Variants in SLC30A7 observed in about 807,000 individuals in gnomAD.
SLC30A7 encodes zinc transporter 7.
SLC30A7 carries 35 observed loss-of-function variants against 46.0 expected under a neutral mutation model. The ratio of observed to expected loss-of-function variants is 0.76; its 90% CI spans 0.58 to 1.01. The LOEUF (loss-of-function observed/expected upper bound fraction) is 1.01. Among genes scored for constraint, SLC30A7 ranks in the 50% least tolerant of loss-of-function variants. SLC30A7 has a pLI of 0.00. For synonymous variants in SLC30A7, 147 were observed against 157.8 expected (o/e 0.93, Z 0.51); for missense variants, 464 against 451.1 (o/e 1.03, Z -0.26).
At chr1:100,974,008 C>T (rs1345499126) in intron 10 of SLC30A7, among the ~76,000 whole-genome samples, 3 of 152,154 alleles carry the variant, frequency 2.0e-5, no homozygotes, top group African/African-American at 7.2e-5. Context: ...ATATGGATAA[C>T]TCTTTTGAGG....
intron 8 of SLC30A7, among the ~76,000 whole-genome samples, chr1:100,928,634 A>G (rs999027348): frequency 5.9e-5 from 9 of 151,904 alleles, no homozygotes; most frequent in Non-Finnish European, 1.3e-4. Flanking sequence ...TGTTTGTATT[A>G]TGCATATGAC....
At chr1:100,928,303 G>T (rs1419792418) in intron 8 of SLC30A7, among the ~76,000 whole-genome samples, 1 of 152,170 alleles carries the variant, frequency 6.6e-6, no homozygotes, top group African/African-American at 2.4e-5. Context: ...AGCCCCAACA[G>T]TACTGGAGTG....
intron 8 of SLC30A7, among the ~76,000 whole-genome samples, chr1:100,953,341 C>T (rs1056521084): frequency 1.3e-5 from 2 of 152,142 alleles, no homozygotes; most frequent in African/African-American, 2.4e-5. Context: ...TAGTTGAAAC[C>T]AGAGATTAAT....
At chr1:100,906,777 A>C in intron 2 of SLC30A7, 75 bp from the exon 3 acceptor site, 1 of 965,948 alleles carries the variant, frequency 1.0e-6, no homozygotes, top group Non-Finnish European at 1.7e-6. Flanking sequence ...CAAAGGCTGA[A>C]TCTTAGACTT....
chr1:100,960,113 C>G (rs1380980160), intron 8 of SLC30A7, among the ~76,000 whole-genome samples: 2 of 152,142 alleles, frequency 1.3e-5, no homozygotes, highest in Non-Finnish European at 2.9e-5. Flanking sequence ...GACTGAAACT[C>G]CTGTCCACAT....
At chr1:100,902,295 A>G (rs932869732) in intron 2 of SLC30A7, among the ~76,000 whole-genome samples, 5 of 152,216 alleles carry the variant, frequency 3.3e-5, no homozygotes, top group Non-Finnish European at 2.9e-5. Context: ...ATTTACTTAA[A>G]ATTTAAATAA....
intron 8 of SLC30A7, among the ~76,000 whole-genome samples, chr1:100,931,555 T>G (rs1653666022): frequency 6.6e-6 from 1 of 152,090 alleles, no homozygotes; most frequent in Non-Finnish European, 1.5e-5. Context: ...TTTTTTTTAA[T>G]TTTTACTGTT....
the SLC30A7 span, among the ~76,000 whole-genome samples, chr1:100,991,872 T>A: frequency 4.6e-5 from 7 of 150,644 alleles, no homozygotes; most frequent in Non-Finnish European, 8.8e-5. Flanking sequence ...TTTGGGAGGC[T>A]GAGGTGGGAG....
chr1:100,921,641 A>G, intron 7 of SLC30A7, 65 bp from the exon 8 acceptor site: 1 of 1,326,154 alleles, frequency 7.5e-7, no homozygotes, highest in Non-Finnish European at 1.1e-6. Context: ...GTATAGCTCT[A>G]GGATATATTC....
At chr1:100,959,678 G>A (rs1655430696) in intron 8 of SLC30A7, among the ~76,000 whole-genome samples, 1 of 152,188 alleles carries the variant, frequency 6.6e-6, no homozygotes, top group African/African-American at 2.4e-5. Context: ...AAACGAGGAG[G>A]GTATACAAGA....
At chr1:100,970,600 C>T (rs1377133075) in intron 10 of SLC30A7, among the ~76,000 whole-genome samples, 2 of 150,190 alleles carry the variant, frequency 1.3e-5, no homozygotes, top group Admixed American at 1.3e-4. Flanking sequence ...TCTTTTTCCC[C>T]TTGCACTAAT....
At chr1:100,954,294 C>A (rs539630983) in intron 8 of SLC30A7, among the ~76,000 whole-genome samples, 12 of 152,058 alleles carry the variant, frequency 7.9e-5, no homozygotes, top group Non-Finnish European at 1.6e-4. Context: ...CTATGTATAA[C>A]AAAGAACAAG....
chr1:100,961,898 C>CT lies in SLC30A7; in HGVS notation c.914dup (p.Pro306AlafsTer27), dbSNP rs758416982. The CT allele has an allele frequency of 1.2e-6, 2 of 1,603,988 alleles. No homozygotes were observed. Among genetic ancestry groups the CT allele is most frequent in the Non-Finnish European group, 8.5e-7 (1 of 1,173,076 alleles). Reference sequence around the variant, plus strand: ...AACTCCTCCCCTATTAGAAAATAGTCTGCCTCAGTGCTATCAGAGGGTGAG... The same window carrying CT: ...AACTCCTCCCCTATTAGAAAATAGTCTTGCCTCAGTGCTATCAGAGGGTGAG... On this transcript the variant is annotated frameshift_variant, in exon 9 of 11. Coordinates refer to ENST00000357650, the MANE Select transcript of SLC30A7 (RefSeq NM_133496.5). LOFTEE classifies it high-confidence loss of function.
At chr1:100,953,028 T>C (rs1156775344) in intron 8 of SLC30A7, among the ~76,000 whole-genome samples, 1 of 151,912 alleles carries the variant, frequency 6.6e-6, no homozygotes, top group Non-Finnish European at 1.5e-5. Flanking sequence ...ATTTCCCCCT[T>C]GCTGTTCTTG....
At chr1:100,964,905 G>A (rs1655782965) in intron 9 of SLC30A7, among the ~76,000 whole-genome samples, 1 of 152,170 alleles carries the variant, frequency 6.6e-6, no homozygotes. Flanking sequence ...AGTTTTTAAA[G>A]AAGGCACGGT....
chr1:100,915,233 C>CT (rs1652446615), intron 6 of SLC30A7, among the ~76,000 whole-genome samples: 1 of 75,630 alleles, frequency 1.3e-5, no homozygotes, highest in Non-Finnish European at 2.8e-5. Context: ...TTCTTTCTTT[C>CT]TTTCTTTCTT....
At position 100,901,446 on chromosome 1, in the gene SLC30A7, C is replaced by T. The variant is rs142934959; in HGVS notation, c.182+4775C>T. ...TGTATTCAGGTTTCTCCTTTATACA[C>T]GTAGAAGTTTTCTTTTTCTTTTTTT... On this transcript the variant is annotated intron_variant, in intron 2 of 10. Transcript: ENST00000357650. Among the ~76,000 whole-genome samples the T allele has an allele frequency of 3.6e-3, 550 of 152,154 alleles. 6 individuals are homozygous for T. Among genetic ancestry groups the T allele is most frequent in the Non-Finnish European group, 6.2e-3 (424 of 67,982 alleles).
intron 8 of SLC30A7, 126 bp from the exon 9 acceptor site, chr1:100,961,702 G>T: frequency 4.1e-6 from 2 of 486,404 alleles, no homozygotes; most frequent in South Asian, 8.1e-5. Context: ...CTGGTTGATT[G>T]TTTTTTCTCA....
intron 9 of SLC30A7, among the ~76,000 whole-genome samples, chr1:100,964,362 A>ATATAACC (rs1331606228): frequency 4.8e-4 from 62 of 128,942 alleles, no homozygotes; most frequent in African/African-American, 1.8e-3. Flanking sequence ...ATACATATGT[A>ATATAACC]TATGTATATA....
Sources: allele counts gnomAD v4.1 joint callset (sites outside exome capture counted in the v4.1 genomes callset), GRCh38; gene constraint gnomAD v4.1.1; transcripts MANE v1.5; gene names NCBI Gene and HGNC (gene_info 2026-07-23, HGNC 2026-07-21).